SLC3A1: variants seen among roughly 807,000 people sequenced by gnomAD.
SLC3A1 encodes the protein solute carrier family 3 member 1.
A neutral mutation model predicts 60.3 loss-of-function variants in SLC3A1; 78 were observed. The observed-to-expected ratio is 1.29, with a 90% CI of 1.08 to 1.56. The LOEUF (loss-of-function observed/expected upper bound fraction) is 1.56, where lower values mean the gene tolerates loss of function less well. Among genes scored for constraint, SLC3A1 ranks in the 40% most tolerant of loss-of-function variants. The pLI is 0.00. For synonymous variants in SLC3A1, 392 were observed against 307.9 expected (o/e 1.27, Z -2.86); for missense variants, 1,172 against 858.9 (o/e 1.36, Z -4.56).
At chr2:44,284,506 T>A (rs1048941767) in intron 3 of SLC3A1, among the ~76,000 whole-genome samples, 1 of 152,182 alleles carries the variant, frequency 6.6e-6, no homozygotes, top group Non-Finnish European at 1.5e-5. Flanking sequence ...CACAGAAGTA[T>A]AAAAAATACA....
In SLC3A1 at chr2:44,321,250, ATAACT is replaced by A; in HGVS notation, c.*615_*619del. On this transcript the variant is annotated 3_prime_UTR_variant, in exon 10 of 10. Transcript: ENST00000260649. The stretch of plus-strand genomic sequence containing the variant: ...TGGAGAAGCACATTTTAAAAAATTA[ATAACT>A]TAAAAGTCTCAAGTTATTAATTTTT... 1 of 997,632 alleles carries A rather than the reference ATAACT, an allele frequency of 1.0e-6. No homozygotes were observed. The highest frequency in any genetic ancestry group is 1.5e-6 in the Non-Finnish European group (1 of 678,332). The allele number at this position is 997,632 out of a possible 1,614,324, so 61.8% of individuals were successfully genotyped here.
intron 6 of SLC3A1, among the ~76,000 whole-genome samples, chr2:44,302,146 CAT>C (rs1475819878): frequency 2.6e-5 from 4 of 152,086 alleles, no homozygotes; most frequent in Non-Finnish European, 4.4e-5. Context: ...TATATAAATC[CAT>C]ATGTTTCAGC....
At chr2:44,280,174 C>T (rs898609373) in intron 1 of SLC3A1, among the ~76,000 whole-genome samples, 1 of 152,036 alleles carries the variant, frequency 6.6e-6, no homozygotes, top group Non-Finnish European at 1.5e-5. Flanking sequence ...ATGAGTAAGT[C>T]ACAGAGATTT....
chr2:44,321,673 GAC>G (rs755920524), downstream of SLC3A1: 30 of 1,540,306 alleles, frequency 1.9e-5, no homozygotes, highest in Admixed American at 2.7e-4. Context: ...TCTCTTGATT[GAC>G]ACAGTGTCCC....
chr2:44,279,479 C>G (rs989890995), intron 1 of SLC3A1, among the ~76,000 whole-genome samples: 1 of 152,252 alleles, frequency 6.6e-6, no homozygotes, highest in African/African-American at 2.4e-5. Flanking sequence ...CCCTGATGCC[C>G]TTAAAGCACT....
chr2:44,320,758 C>A lies in SLC3A1; in HGVS notation c.*119C>A. ...CATTAATTCTTCGATATTTCTGTAG[C>A]TTGAATGTAACTGCTTTAAGAAAGG... On this transcript the variant is annotated 3_prime_UTR_variant, in exon 10 of 10. Coordinates refer to ENST00000260649, the MANE Select transcript of SLC3A1 (RefSeq NM_000341.4). The A allele has an allele frequency of 1.2e-6, 1 of 850,118 alleles. No individual in the cohort carries two copies. The highest frequency in any genetic ancestry group is 2.0e-6 in the Non-Finnish European group (1 of 512,640). The allele number at this position is 850,118 out of a possible 1,614,324, so 52.7% of individuals were successfully genotyped here.
intron 9 of SLC3A1, chr2:44,316,376 G>A (rs1213526622): frequency 6.6e-6 from 1 of 152,144 alleles, no homozygotes; most frequent in African/African-American, 2.4e-5. Context: ...GTCAAACAAT[G>A]AAATAAAATA....
In SLC3A1 at chr2:44,312,624, G is replaced by A. The variant is rs1016854597; in HGVS notation, c.1371G>A (p.Leu457=). 6.2e-7 allele frequency: 1 copy of A among 1,613,928 alleles called. No homozygotes were observed. Among genetic ancestry groups the A allele is most frequent in the Non-Finnish European group, 8.5e-7 (1 of 1,179,888 alleles). The change falls in exon 8 of 10, where the codon TTG becomes TTA. Residue 457 remains leucine (L), a synonymous_variant. Coordinates refer to ENST00000260649, the MANE Select transcript of SLC3A1 (RefSeq NM_000341.4). ...ACAGTTCACGGCTGACTTCGCGTTT[G>A]GGGAATCAGTATGTCAACGTGATGA... ...GPDSSRLTSR[L]GNQYVNVMNM...
intron 5 of SLC3A1, 44 bp from the exon 6 acceptor site, chr2:44,300,959 C>T (rs1208420019): frequency 5.0e-6 from 8 of 1,611,954 alleles, no homozygotes. Context: ...TGTGGGCATG[C>T]AATGTATGAA....
chr2:44,275,791 C>G lies in SLC3A1; in HGVS notation c.256C>G (p.Arg86Gly). 6.2e-7 allele frequency: 1 copy of G among 1,614,254 alleles called. No individual in the cohort carries two copies. The highest frequency in any genetic ancestry group is 8.5e-7 in the Non-Finnish European group (1 of 1,180,048). Residue 86 changes from arginine to glycine, a missense_variant, in exon 1 of 10, where the codon CGG becomes GGG. By Grantham distance (125) the Arg-to-Gly change is moderately radical (BLOSUM62 -2). Transcript: ENST00000260649. The stretch of plus-strand genomic sequence containing the variant: ...TGGCCAGGCCCGCTACCGCATACCT[C>G]GGGAGATCCTCTTCTGGCTCACAGT... Reference protein sequence around the residue: ...FSGQARYRIPREILFWLTVAS... With the variant: ...FSGQARYRIPGEILFWLTVAS...
At chr2:44,293,676 C>T (rs1372267741) in intron 4 of SLC3A1, among the ~76,000 whole-genome samples, 2 of 152,150 alleles carry the variant, frequency 1.3e-5, no homozygotes, top group Non-Finnish European at 2.9e-5. Context: ...GGGCCAACTG[C>T]AACGTAGCTG....
chr2:44,309,017 C>G (rs1672225489), intron 7 of SLC3A1, among the ~76,000 whole-genome samples: 2 of 152,172 alleles, frequency 1.3e-5, no homozygotes, highest in African/African-American at 4.8e-5. Context: ...CAGGCGTGAG[C>G]TACTGTGCCT....
intron 4 of SLC3A1, among the ~76,000 whole-genome samples, chr2:44,293,153 G>C (rs985215452): frequency 6.6e-6 from 1 of 152,158 alleles, no homozygotes; most frequent in African/African-American, 2.4e-5. Flanking sequence ...CAGGAAGAGA[G>C]AGGGAAATAT....
intron 7 of SLC3A1, among the ~76,000 whole-genome samples, chr2:44,307,337 TC>T (rs1672183410): frequency 1.3e-5 from 2 of 152,218 alleles, no homozygotes; most frequent in African/African-American, 2.4e-5. Flanking sequence ...TTTTCAATTC[TC>T]TCTGATATAT....
intron 4 of SLC3A1, among the ~76,000 whole-genome samples, chr2:44,293,279 G>A (rs1671777331): frequency 6.6e-6 from 1 of 152,184 alleles, no homozygotes; most frequent in African/African-American, 2.4e-5. Context: ...AGCACTTTGG[G>A]AGGCTGAGGC....
chr2:44,318,648 A>G (rs1019568966), intron 9 of SLC3A1: 3 of 152,240 alleles, frequency 2.0e-5, no homozygotes, highest in African/African-American at 7.2e-5. Flanking sequence ...ATTAAAAACA[A>G]AAGAACATAT....
At chr2:44,285,904 G>T in intron 3 of SLC3A1, 128 bp from the exon 4 acceptor site, 1 of 1,230,338 alleles carries the variant, frequency 8.1e-7, no homozygotes, top group Non-Finnish European at 1.2e-6. Flanking sequence ...TTAACCTGCT[G>T]CTCTCTGTAG....
intron 4 of SLC3A1, among the ~76,000 whole-genome samples, chr2:44,297,037 T>G (rs1308075345): frequency 6.6e-6 from 1 of 152,214 alleles, no homozygotes; most frequent in Non-Finnish European, 1.5e-5. Flanking sequence ...GTCTTAGATA[T>G]GTCTCTATTA....
rs902582167 is a variant in SLC3A1 at position 44,311,414 on chromosome 2, T to C, written c.1333-1172T>C. The stretch of plus-strand genomic sequence containing the variant: ...TTGCTATTGACTCCCCCCACCATTA[T>C]ATGAGCCATATTTTCCTGTTTTCTT... On this transcript the variant is annotated intron_variant, in intron 7 of 9. Transcript: ENST00000260649. Among the ~76,000 whole-genome samples, 4 of 152,218 alleles carry C rather than the reference T, an allele frequency of 2.6e-5. No homozygotes were observed. In the East Asian group the frequency reaches 7.7e-4, roughly 29 times the overall value.
Sources: allele counts gnomAD v4.1 joint callset (sites outside exome capture counted in the v4.1 genomes callset), GRCh38; gene constraint gnomAD v4.1.1; transcripts MANE v1.5; gene names NCBI Gene and HGNC (gene_info 2026-07-23, HGNC 2026-07-21).